The following KIAA0753 variants were observed in gnomAD, a reference collection of about 807,000 sequenced individuals.
The protein encoded by KIAA0753 is KIAA0753.
In KIAA0753, 114 loss-of-function variants were observed where a neutral mutation model predicts 116.9. That is an observed-to-expected ratio of 0.98 (90% CI 0.84 to 1.14). The LOEUF (loss-of-function observed/expected upper bound fraction) is 1.14. Among genes scored for constraint, KIAA0753 ranks in the 50% most tolerant of loss-of-function variants. KIAA0753 has a pLI of 0.00. For missense variants in KIAA0753, 1,156 were observed against 1,172.4 expected (o/e 0.99, Z 0.20); for synonymous variants, 405 against 413.1 (o/e 0.98, Z 0.24).
chr17:6,616,525 T>TA (rs1252815383), intron 7 of KIAA0753, among the ~76,000 whole-genome samples: 8 of 152,230 alleles, frequency 5.3e-5, no homozygotes, highest in African/African-American at 1.9e-4. Flanking sequence ...ATTTTACAGA[T>TA]AAAAAACTTA....
intron 15 of KIAA0753, 137 bp from the exon 16 acceptor site, chr17:6,595,190 G>T: frequency 1.6e-6 from 1 of 637,138 alleles, no homozygotes; most frequent in Non-Finnish European, 2.8e-6. Context: ...TGTCAGGCCA[G>T]GAAGTAATTA....
intron 7 of KIAA0753, among the ~76,000 whole-genome samples, chr17:6,618,637 A>C (rs1281310788): frequency 6.6e-6 from 1 of 152,210 alleles, no homozygotes; most frequent in East Asian, 1.9e-4. Context: ...TAGGAAAAAC[A>C]GTTTGGTTTT....
intron 7 of KIAA0753, 28 bp from the exon 8 acceptor site, chr17:6,612,176 T>C: frequency 6.6e-7 from 1 of 1,505,066 alleles, no homozygotes; most frequent in Non-Finnish European, 9.2e-7. Flanking sequence ...AAAAACAAAC[T>C]GAGGAAAATG....
intron 18 of KIAA0753, among the ~76,000 whole-genome samples, chr17:6,586,641 A>G (rs1968600918): frequency 1.3e-5 from 2 of 152,248 alleles, no homozygotes; most frequent in Non-Finnish European, 2.9e-5. Context: ...CTTTTCAACC[A>G]GAATTCACTT....
chr17:6,598,460 C>T (rs1969629282), intron 14 of KIAA0753, among the ~76,000 whole-genome samples: 1 of 152,158 alleles, frequency 6.6e-6, no homozygotes, highest in African/African-American at 2.4e-5. Context: ...TGAAACCTAC[C>T]TTCTTCCTGC....
At position 6,600,230 on chromosome 17, in the gene KIAA0753, C is replaced by T. The variant is rs1969772590; in HGVS notation, c.2088+150G>A. 4.0e-5 allele frequency: 25 copies of T among 630,358 alleles called. No homozygotes were observed. The East Asian group carries it at 6.3e-4, about 16-fold the overall frequency. The allele number at this position is 630,358 out of a possible 1,614,324, so 39.0% of individuals were successfully genotyped here. A position where few individuals can be genotyped will look rare whatever the true frequency, so the allele number is the denominator to read the frequency against. On this transcript the variant is annotated intron_variant, in intron 13 of 18. Transcript: ENST00000361413. ...TCTATCCCTTTTCCACAATGGAGGG[C>T]ATATCAGTAGTGTGTGGTGGTCTGG...
chr17:6,631,790 A>T (rs1972034603), intron 2 of KIAA0753, among the ~76,000 whole-genome samples: 1 of 152,234 alleles, frequency 6.6e-6, no homozygotes, highest in African/African-American at 2.4e-5. Context: ...GTGATTTTTT[A>T]AATTTCATTC....
At chr17:6,615,996 AG>A (rs1354400768) in intron 7 of KIAA0753, among the ~76,000 whole-genome samples, 3 of 151,948 alleles carry the variant, frequency 2.0e-5, no homozygotes, top group African/African-American at 7.2e-5. Context: ...GTATTTTTTC[AG>A]GGGTGGGTGG....
intron 18 of KIAA0753, among the ~76,000 whole-genome samples, chr17:6,587,971 T>C (rs1968707642): frequency 6.6e-6 from 1 of 152,106 alleles, no homozygotes; most frequent in East Asian, 1.9e-4. Context: ...GTGGGAGGGA[T>C]GCCAGGCAAA....
intron 6 of KIAA0753, 63 bp downstream of exon 6, chr17:6,622,819 A>G: frequency 7.2e-7 from 1 of 1,380,764 alleles, no homozygotes. Flanking sequence ...TCCTAACGAA[A>G]CTAGGTAATA....
chr17:6,624,668 T>G, intron 4 of KIAA0753, 87 bp downstream of exon 4: 5 of 866,588 alleles, frequency 5.8e-6, no homozygotes, highest in Non-Finnish European at 9.3e-6. Flanking sequence ...CTAGTGCTAA[T>G]CTTTCTGAGA....
intron 3 of KIAA0753, 58 bp downstream of exon 3, chr17:6,628,059 T>C: frequency 1.3e-6 from 2 of 1,520,030 alleles, no homozygotes; most frequent in South Asian, 2.6e-5. Context: ...AAGGAATGCA[T>C]TTAAACTACC....
At chr17:6,632,211 CTT>C (rs894545670) in intron 2 of KIAA0753, among the ~76,000 whole-genome samples, 8 of 152,112 alleles carry the variant, frequency 5.3e-5, no homozygotes, top group African/African-American at 1.9e-4. Flanking sequence ...CTTGGAGTGT[CTT>C]TTTACACCAT....
chr17:6,606,497 A>G (rs1970202937), intron 12 of KIAA0753, among the ~76,000 whole-genome samples: 1 of 152,234 alleles, frequency 6.6e-6, no homozygotes, highest in African/African-American at 2.4e-5. Flanking sequence ...AACATACGAA[A>G]CTAAAGTAGC....
intron 16 of KIAA0753, among the ~76,000 whole-genome samples, chr17:6,593,946 G>T (rs1969276101): frequency 6.6e-6 from 1 of 152,146 alleles, no homozygotes; most frequent in Non-Finnish European, 1.5e-5. Context: ...CACCAGGATG[G>T]TTACCACAAA....
Position 6,579,632 on chromosome 17 carries a change from A to AG in KIAA0753, c.*114dup. 3 of 727,530 alleles carry AG rather than the reference A, an allele frequency of 4.1e-6. No individual in the cohort carries two copies. In the South Asian group the frequency reaches 4.8e-5, roughly 12 times the overall value. The allele number at this position is 727,530 out of a possible 1,614,324, so 45.1% of individuals were successfully genotyped here. A position where few individuals can be genotyped will look rare whatever the true frequency, so the allele number is the denominator to read the frequency against. ...CGGCACTGCCTTCCTTTCAGTGGGC[A>AG]GCACCTTCTGGGCCTGGATGGACAG... On this transcript the variant is annotated 3_prime_UTR_variant, in exon 19 of 19. Coordinates refer to ENST00000361413, the MANE Select transcript of KIAA0753 (RefSeq NM_014804.3).
At chr17:6,618,071 C>T (rs531057295) in intron 7 of KIAA0753, among the ~76,000 whole-genome samples, 1 of 151,928 alleles carries the variant, frequency 6.6e-6, no homozygotes, top group African/African-American at 2.4e-5. Context: ...CACTGAACTC[C>T]AGCCTGGGCA....
Position 6,631,478 on chromosome 17 carries a change from T to C in KIAA0753, c.94-2737A>G, listed in dbSNP as rs145192785. ...CTCTGGGACAAGGGAGTTGGAAATA[T>C]GTAGTGTTGGATTTGAATTGGAGAT... On this transcript the variant is annotated intron_variant, in intron 2 of 18. Coordinates refer to ENST00000361413, the MANE Select transcript of KIAA0753 (RefSeq NM_014804.3). 5.9e-5 allele frequency among the ~76,000 whole-genome samples: 9 copies of C among 152,252 alleles called. No individual in the cohort carries two copies. In the South Asian group the frequency reaches 1.0e-3, roughly 18 times the overall value.
Position 6,622,977 on chromosome 17 carries a change from C to T in KIAA0753, c.1009G>A (p.Gly337Ser). 6.2e-7 allele frequency: 1 copy of T among 1,614,174 alleles called. No individual in the cohort carries two copies. Among genetic ancestry groups the T allele is most frequent in the South Asian group, 1.1e-5 (1 of 91,086 alleles). Residue 337 changes from glycine to serine, a missense_variant, in exon 6 of 19, where the codon GGC (glycine) becomes AGC (serine). Transcript: ENST00000361413. ...AGTGAAAGCTGGCGAATAAGGCTGC[C>T]CAGTTCCTTACACCGAGCAGGAAGT... Reference protein sequence around the residue: ...HPLPARCKELGSLIRQLSLCS... With the variant: ...HPLPARCKELSSLIRQLSLCS...
Sources: allele counts gnomAD v4.1 joint callset (sites outside exome capture counted in the v4.1 genomes callset), GRCh38; gene constraint gnomAD v4.1.1; transcripts MANE v1.5; gene names NCBI Gene and HGNC (gene_info 2026-07-23, HGNC 2026-07-21).